The following PTPRT variants were observed in gnomAD, a reference collection of about 807,000 sequenced individuals.
PTPRT encodes the protein receptor-type tyrosine-protein phosphatase T.
A neutral mutation model predicts 176.8 loss-of-function variants in PTPRT; 56 were observed. The observed-to-expected ratio is 0.32, with a 90% CI of 0.26 to 0.40. The LOEUF is 0.40. Ranked by LOEUF, PTPRT falls within the 10% of genes least tolerant of loss-of-function variation. PTPRT has a pLI of 1.00. For synonymous variants in PTPRT, 783 were observed against 739.0 expected (o/e 1.06, Z -0.96); for missense variants, 1,540 against 1,908.2 (o/e 0.81, Z 3.60).
intron 6 of PTPRT, 131 bp downstream of exon 6, chr20:42,756,331 G>A: frequency 2.0e-6 from 2 of 985,842 alleles, no homozygotes; most frequent in East Asian, 2.9e-5. Context: ...GGGGAGGGAG[G>A]CCAGAGTGAC....
chr20:43,078,130 T>C (rs1233099280), intron 1 of PTPRT, among the ~76,000 whole-genome samples: 1 of 152,242 alleles, frequency 6.6e-6, no homozygotes, highest in Non-Finnish European at 1.5e-5. Context: ...AAACTGTGTC[T>C]ATTGCTCAGT....
chr20:42,227,228 A>C (rs993706859), intron 15 of PTPRT, among the ~76,000 whole-genome samples: 26 of 152,024 alleles, frequency 1.7e-4, no homozygotes, highest in Non-Finnish European at 5.9e-5. Context: ...AAGGGAAGGG[A>C]AAAAGAAAGG....
At chr20:42,122,543 T>C (rs746365867) in intron 19 of PTPRT, among the ~76,000 whole-genome samples, 2 of 152,134 alleles carry the variant, frequency 1.3e-5, no homozygotes, top group African/African-American at 4.8e-5. Flanking sequence ...GCTTTGGGAA[T>C]AGAAAATAGT....
intron 9 of PTPRT, among the ~76,000 whole-genome samples, chr20:42,415,101 G>A (rs2059053142): frequency 6.6e-6 from 1 of 152,136 alleles, no homozygotes; most frequent in Admixed American, 6.5e-5. Context: ...TAGAGCCTAG[G>A]GCAATGGTTG....
chr20:42,766,657 C>T (rs1352324905), intron 5 of PTPRT, among the ~76,000 whole-genome samples: 1 of 152,146 alleles, frequency 6.6e-6, no homozygotes, highest in Admixed American at 6.5e-5. Flanking sequence ...GAAAAGAGGG[C>T]CAGCATTTCA....
chr20:42,822,002 T>A (rs1192164703), intron 2 of PTPRT, among the ~76,000 whole-genome samples: 12 of 152,156 alleles, frequency 7.9e-5, no homozygotes, highest in Admixed American at 6.5e-4. Context: ...ATTTACAGAT[T>A]CAACACTGCT....
intron 11 of PTPRT, among the ~76,000 whole-genome samples, chr20:42,347,918 T>C (rs73267617): frequency 0.032 from 4,902 of 152,304 alleles, 230 homozygotes; most frequent in African/African-American, 0.11. Context: ...TGTTTGTGTG[T>C]TTGCTTAATG....
At chr20:42,440,763 C>G (rs1308869776) in intron 9 of PTPRT, among the ~76,000 whole-genome samples, 1 of 152,214 alleles carries the variant, frequency 6.6e-6, no homozygotes, top group African/African-American at 2.4e-5. Flanking sequence ...AGGCGTGAGC[C>G]ACCATGCCCG....
chr20:42,591,527 A>G (rs908762755), intron 7 of PTPRT, among the ~76,000 whole-genome samples: 1 of 152,200 alleles, frequency 6.6e-6, no homozygotes, highest in Non-Finnish European at 1.5e-5. Flanking sequence ...ATAAATGGGT[A>G]TGTGCACACA....
At chr20:42,819,057 T>C (rs1239423962) in intron 2 of PTPRT, among the ~76,000 whole-genome samples, 1 of 151,984 alleles carries the variant, frequency 6.6e-6, no homozygotes, top group Non-Finnish European at 1.5e-5. Context: ...AAGAAACCAT[T>C]AAGATACTCT....
intron 11 of PTPRT, among the ~76,000 whole-genome samples, chr20:42,316,449 A>AT (rs1350242988): frequency 6.6e-6 from 1 of 152,092 alleles, no homozygotes; most frequent in Non-Finnish European, 1.5e-5. Flanking sequence ...TCCACTGATA[A>AT]TGCCTTGGTT....
chr20:43,086,871 G>A (rs1291256599), intron 1 of PTPRT, among the ~76,000 whole-genome samples: 1 of 152,142 alleles, frequency 6.6e-6, no homozygotes, highest in African/African-American at 2.4e-5. Context: ...TAAGAGATGT[G>A]CCTATTAAGG....
intron 1 of PTPRT, among the ~76,000 whole-genome samples, chr20:43,180,138 G>T (rs879733337): frequency 6.6e-5 from 10 of 152,204 alleles, no homozygotes; most frequent in Admixed American, 6.5e-4. Flanking sequence ...GCTTGAGCTG[G>T]GACATCCATC....
At chr20:42,753,979 C>T (rs931788982) in intron 6 of PTPRT, among the ~76,000 whole-genome samples, 4 of 152,196 alleles carry the variant, frequency 2.6e-5, no homozygotes, top group African/African-American at 9.6e-5. Flanking sequence ...GCCCCATGTA[C>T]ATGCAAGGTG....
At chr20:42,265,772 G>C (rs2056829451) in intron 13 of PTPRT, among the ~76,000 whole-genome samples, 1 of 152,170 alleles carries the variant, frequency 6.6e-6, no homozygotes, top group Non-Finnish European at 1.5e-5. Context: ...CCCAGGGCAT[G>C]ACCCTAGGGA....
chr20:42,623,263 G>C (rs2074232134), intron 7 of PTPRT, among the ~76,000 whole-genome samples: 1 of 152,190 alleles, frequency 6.6e-6, no homozygotes, highest in African/African-American at 2.4e-5. Context: ...GCTGTAACAT[G>C]CCCGCTGGGC....
intron 16 of PTPRT, among the ~76,000 whole-genome samples, chr20:42,173,930 G>A (rs1056703522): frequency 4.6e-5 from 7 of 152,034 alleles, no homozygotes; most frequent in East Asian, 1.9e-4. Flanking sequence ...AACTTTGACC[G>A]GTAGAAGAAT....
chr20:42,093,416 T>A (rs941558024), intron 27 of PTPRT, among the ~76,000 whole-genome samples: 7 of 151,924 alleles, frequency 4.6e-5, no homozygotes, highest in Non-Finnish European at 8.8e-5. Context: ...AATGCCTTTA[T>A]TTTGAGCCCT....
chr20:43,044,123 C>T (rs2146218201), intron 1 of PTPRT, among the ~76,000 whole-genome samples: 1 of 152,214 alleles, frequency 6.6e-6, no homozygotes, highest in East Asian at 1.9e-4. Context: ...CAGCCGCCAG[C>T]CTGAGAAAAT....
Sources: gnomAD v4.1 joint callset for allele counts (sites outside exome capture counted in the v4.1 genomes callset) on GRCh38, gnomAD v4.1.1 for gene constraint, MANE v1.5 for transcripts, NCBI Gene and HGNC (gene_info 2026-07-23, HGNC 2026-07-21) for gene names.